ASTN2: variants seen among roughly 807,000 people sequenced by gnomAD.
The protein encoded by ASTN2 is astrotactin-2.
ASTN2 carries 54 observed loss-of-function variants against 139.8 expected under a neutral mutation model. The observed-to-expected ratio is 0.39, with a 90% CI of 0.31 to 0.48. The LOEUF (loss-of-function observed/expected upper bound fraction) is 0.48. Among genes scored for constraint, ASTN2 ranks in the 20% least tolerant of loss-of-function variants. The probability of loss-of-function intolerance (pLI) is 0.95; values close to 1 mark genes in which losing one functional copy is unlikely to be tolerated. For synonymous variants in ASTN2, 756 were observed against 719.5 expected, an observed-to-expected ratio of 1.05 and a Z score of -0.81; for missense variants, 1,565 against 1,725.1, an observed-to-expected ratio of 0.91 and a Z score of 1.64.
intron 20 of ASTN2, among the ~76,000 whole-genome samples, chr9:116,450,070 GTGTCATCAAT>G (rs1442928089): frequency 6.6e-6 from 1 of 152,158 alleles, no homozygotes; most frequent in Non-Finnish European, 1.5e-5. Flanking sequence ...GTCATTTGTT[GTGTCATCAAT>G]AGTAACTGCA....
Position 116,821,011 on chromosome 9 carries a change from G to C in ASTN2, c.2041-228C>G, listed in dbSNP as rs557797298. Among the ~76,000 whole-genome samples the C allele has an allele frequency of 1.2e-4, 18 of 152,270 alleles. No homozygotes were observed. The East Asian group carries it at 3.5e-3, about 29-fold the overall frequency. Reference sequence around the variant, plus strand: ...ACTTTTGTGACTATCTGCTTATAGTGTTGTGAGAATGAAGGGTGATAATGT... The same window carrying C: ...ACTTTTGTGACTATCTGCTTATAGTCTTGTGAGAATGAAGGGTGATAATGT... On this transcript the variant is annotated intron_variant, in intron 11 of 22. Coordinates refer to ENST00000313400, the MANE Select transcript of ASTN2 (RefSeq NM_001365068.1).
At chr9:116,582,176 C>G (rs1446473178) in intron 19 of ASTN2, 1 of 152,206 alleles carries the variant, frequency 6.6e-6, no homozygotes, top group Non-Finnish European at 1.5e-5. Context: ...TGCTGCAGGA[C>G]CTAGGATCAG....
intron 3 of ASTN2, among the ~76,000 whole-genome samples, chr9:117,152,242 A>G (rs1588020594): frequency 6.6e-6 from 1 of 152,314 alleles, no homozygotes; most frequent in East Asian, 1.9e-4. Flanking sequence ...GGCTTAACCT[A>G]GATAAGCCTG....
intron 22 of ASTN2, among the ~76,000 whole-genome samples, chr9:116,430,216 AACAG>A (rs376674314): frequency 4.6e-5 from 7 of 152,320 alleles, no homozygotes; most frequent in African/African-American, 1.7e-4. Flanking sequence ...CTTCCAAAGG[AACAG>A]ACAAAGCCTC....
At position 117,060,410 on chromosome 9, in the gene ASTN2, G is replaced by GA. The variant is rs1554774074; in HGVS notation, c.1277-20446dup. On this transcript the variant is annotated intron_variant, in intron 5 of 22. Coordinates refer to ENST00000313400, the MANE Select transcript of ASTN2 (RefSeq NM_001365068.1). ...AGAAAGAAAGAAAGAAAGAAAGAAAGAAGGAAAGGAAGGAAGGAAGGAAGA... is the reference window on the plus strand; with the variant it reads ...AGAAAGAAAGAAAGAAAGAAAGAAAGAAAGGAAAGGAAGGAAGGAAGGAAGA... Among the ~76,000 whole-genome samples the GA allele has an allele frequency of 1.9e-4, 10 of 51,958 alleles. 1 individual carries two copies. The highest frequency in any genetic ancestry group is 8.9e-4 in the African/African-American group (8 of 8,988). The allele number at this position is 51,958 out of a possible 152,430, so 34.1% of individuals were successfully genotyped here.
At chr9:117,125,116 G>T (rs1287652723) in intron 4 of ASTN2, among the ~76,000 whole-genome samples, 3 of 152,066 alleles carry the variant, frequency 2.0e-5, no homozygotes, top group African/African-American at 7.2e-5. Flanking sequence ...CTTCTAATGG[G>T]GTTTTATAAA....
At chr9:116,737,672 C>T (rs903542135) in intron 13 of ASTN2, among the ~76,000 whole-genome samples, 1 of 149,602 alleles carries the variant, frequency 6.7e-6, no homozygotes, top group African/African-American at 2.5e-5. Flanking sequence ...AGGTAACTAA[C>T]CCTAGCAATA....
chr9:116,847,367 G>T (rs2080452924), intron 11 of ASTN2, among the ~76,000 whole-genome samples: 1 of 152,134 alleles, frequency 6.6e-6, no homozygotes, highest in Non-Finnish European at 1.5e-5. Flanking sequence ...ACCCGCCTTT[G>T]CCTCCCAAAG....
At chr9:116,663,497 C>T (rs1436968415) in intron 16 of ASTN2, among the ~76,000 whole-genome samples, 1 of 152,072 alleles carries the variant, frequency 6.6e-6, no homozygotes, top group Non-Finnish European at 1.5e-5. Flanking sequence ...GTTAAAAATA[C>T]TCATGTTAAA....
chr9:116,463,927 T>TTTTTGG (rs1848572807), intron 20 of ASTN2, among the ~76,000 whole-genome samples: 1 of 149,634 alleles, frequency 6.7e-6, no homozygotes, highest in Non-Finnish European at 1.5e-5. Flanking sequence ...TTTTTTTTTT[T>TTTTTGG]GAGAGAGACA....
chr9:116,982,502 C>A (rs1342684552), intron 7 of ASTN2, among the ~76,000 whole-genome samples: 1 of 151,908 alleles, frequency 6.6e-6, no homozygotes, highest in Non-Finnish European at 1.5e-5. Context: ...CCAAGATGTG[C>A]CCTTTGCAAA....
At position 117,214,579 on chromosome 9, in the gene ASTN2, C is replaced by A; in HGVS notation, c.794G>T (p.Arg265Leu). The change falls in exon 3 of 23, where the codon CGG becomes CTG. Residue 265 changes from arginine (R) to leucine (L), a missense_variant. By Grantham distance (102) the Arg-to-Leu change is moderately radical. This residue lies in a region of ASTN2 where 596 missense variants were observed against 576.8 expected (regional missense o/e 1.03). Transcript: ENST00000313400. ...CAGCCGGGATGAACGGAAGCTCTCC[C>A]GCGCCTGGGGACCCAGCAGCACAGA... ...IPSVLLGPQA[R>L]ESFRSSRLQT... 1 of 1,608,972 alleles carries A rather than the reference C, an allele frequency of 6.2e-7. No homozygotes were observed. Among genetic ancestry groups the A allele is most frequent in the East Asian group, 2.2e-5 (1 of 44,710 alleles).
intron 16 of ASTN2, among the ~76,000 whole-genome samples, chr9:116,718,216 T>G (rs529465989): frequency 1.3e-5 from 2 of 151,516 alleles, no homozygotes; most frequent in African/African-American, 4.8e-5. Context: ...TCAGCAAAAA[T>G]GGGAAAAAAA....
intron 16 of ASTN2, chr9:116,686,991 G>A (rs1451328133): frequency 1.4e-6 from 2 of 1,426,538 alleles, no homozygotes; most frequent in Non-Finnish European, 1.8e-6. Flanking sequence ...GACTACCCTG[G>A]AGGCTACCGT....
intron 10 of ASTN2, among the ~76,000 whole-genome samples, chr9:116,964,104 T>C (rs1331430676): frequency 6.6e-6 from 1 of 152,118 alleles, no homozygotes; most frequent in African/African-American, 2.4e-5. Context: ...TGGGATCCTC[T>C]TTGATATTAG....
At chr9:116,827,604 T>C (rs1169530593) in intron 11 of ASTN2, among the ~76,000 whole-genome samples, 4 of 152,142 alleles carry the variant, frequency 2.6e-5, no homozygotes, top group African/African-American at 9.7e-5. Context: ...TTATGAAGAC[T>C]ATTATGTTCA....
At chr9:117,399,226 A>G (rs1830758011) in intron 1 of ASTN2, among the ~76,000 whole-genome samples, 1 of 152,244 alleles carries the variant, frequency 6.6e-6, no homozygotes, top group Admixed American at 6.5e-5. Flanking sequence ...CAATATTTCT[A>G]TGAAAATACT....
intron 6 of ASTN2, among the ~76,000 whole-genome samples, chr9:117,016,623 T>TATATATGTAAC: frequency 2.1e-4 from 1 of 4,878 alleles, no homozygotes; most frequent in African/African-American, 3.8e-4. Context: ...TATCTATCTA[T>TATATATGTAAC]CTATATATAT....
At chr9:116,707,428 A>C (rs1369657056) in intron 16 of ASTN2, among the ~76,000 whole-genome samples, 1 of 152,032 alleles carries the variant, frequency 6.6e-6, no homozygotes, top group Non-Finnish European at 1.5e-5. Flanking sequence ...GGCACGGGAG[A>C]GAACCTAATC....
Sources: gnomAD v4.1 joint callset for allele counts (sites outside exome capture counted in the v4.1 genomes callset) on GRCh38, gnomAD v4.1.1 for gene constraint, gnomAD v4.1.1 regional missense constraint, MANE v1.5 for transcripts, NCBI Gene and HGNC (gene_info 2026-07-23, HGNC 2026-07-21) for gene names.